Variants in ITPRID2 observed in about 807,000 individuals in gnomAD.
ITPRID2 encodes ITPR interacting domain containing 2.
In ITPRID2, 60 loss-of-function variants were observed where a neutral mutation model predicts 124.3. That is an observed-to-expected ratio of 0.48 (90% confidence interval 0.39 to 0.60). The LOEUF is 0.60. Ranked by LOEUF, ITPRID2 falls within the 20% of genes least tolerant of loss-of-function variation. The pLI is 0.00. For missense variants in ITPRID2, 1,553 were observed against 1,512.2 expected (o/e 1.03, Z -0.45); for synonymous variants, 521 against 542.9 (o/e 0.96, Z 0.56).
chr2:181,891,990 C>T lies in ITPRID2; in HGVS notation c.-77C>T. 2 of 1,442,536 alleles carry T rather than the reference C, an allele frequency of 1.4e-6. No individual in the cohort carries two copies. The highest frequency in any genetic ancestry group is 1.9e-6 in the Non-Finnish European group (2 of 1,077,428). 89.4% of individuals were successfully genotyped at this position (1,442,536 alleles called of 1,614,324 possible). The stretch of plus-strand genomic sequence containing the variant: ...GGCCCCCTGCCCGGCCGGGCGCTGA[C>T]AGCAAGGGCGGGGGTCCCTGCCGCC... On this transcript the variant is annotated 5_prime_UTR_variant, in exon 1 of 18. Coordinates refer to ENST00000431877, the MANE Select transcript of ITPRID2 (RefSeq NM_001130445.3).
chr2:181,901,723 T>G, intron 7 of ITPRID2, 43 bp from the exon 8 acceptor site: 1 of 1,324,372 alleles, frequency 7.6e-7, no homozygotes, highest in Admixed American at 2.5e-5. Context: ...TGTATGTATA[T>G]ATATAAATAT....
At chr2:181,921,322 A>G (rs1317689162) in intron 15 of ITPRID2, among the ~76,000 whole-genome samples, 1 of 152,108 alleles carries the variant, frequency 6.6e-6, no homozygotes, top group Non-Finnish European at 1.5e-5. Flanking sequence ...TACTAAAAAT[A>G]CAAAAATTAG....
rs112887126 is a variant in ITPRID2 at position 181,905,693 on chromosome 2, C to T, written c.1413+3227C>T. 5.9e-5 allele frequency among the ~76,000 whole-genome samples: 9 copies of T among 152,242 alleles called. 1 individual carries two copies. The highest frequency in any genetic ancestry group is 1.7e-4 in the African/African-American group (7 of 41,546). The stretch of plus-strand genomic sequence containing the variant: ...TATACACATAATCTTTTTTAAGCTA[C>T]TGATGTGTTAGTAACTGTTTCTAAT... On this transcript the variant is annotated intron_variant, in intron 8 of 17. Transcript: ENST00000431877. The surrounding 1 kb of genome is among the most constrained non-coding windows in gnomAD (Gnocchi z 4.1).
At chr2:181,922,537 T>C in intron 16 of ITPRID2, 125 bp downstream of exon 16, 1 of 939,776 alleles carries the variant, frequency 1.1e-6, no homozygotes, top group Non-Finnish European at 1.5e-6. Flanking sequence ...CACAGAGCTT[T>C]TAAATTAGCT....
At chr2:181,906,364 T>C (rs1172168455) in intron 8 of ITPRID2, among the ~76,000 whole-genome samples, 1 of 152,218 alleles carries the variant, frequency 6.6e-6, no homozygotes, top group Non-Finnish European at 1.5e-5. Context: ...CTTTACTGTT[T>C]GAAAGTACTT....
At position 181,903,000 on chromosome 2, in the gene ITPRID2, GC is replaced by G. The variant is rs769117688; in HGVS notation, c.1413+535del. Among the ~76,000 whole-genome samples the G allele has an allele frequency of 2.2e-4, 33 of 152,160 alleles. No individual in the cohort carries two copies. Among genetic ancestry groups the G allele is most frequent in the Non-Finnish European group, 4.1e-4 (28 of 68,024 alleles). On this transcript the variant is annotated intron_variant, in intron 8 of 17. Coordinates refer to ENST00000431877, the MANE Select transcript of ITPRID2 (RefSeq NM_001130445.3). The surrounding 1 kb of genome is among the most constrained non-coding windows in gnomAD (Gnocchi z 4.4). The stretch of plus-strand genomic sequence containing the variant: ...GGGGAGGATAGGGACCCTAGAATTA[GC>G]AGGTTTGAAAGGCCACTGAATAGGG...
intron 8 of ITPRID2, among the ~76,000 whole-genome samples, chr2:181,908,241 A>G (rs1480928612): frequency 6.6e-6 from 1 of 152,098 alleles, no homozygotes; most frequent in Non-Finnish European, 1.5e-5. Flanking sequence ...CTCATAACCC[A>G]GTCTCAAAAT....
At chr2:181,918,442 A>G (rs1467645584) in intron 11 of ITPRID2, 156 bp from the exon 12 acceptor site, 1 of 1,449,166 alleles carries the variant, frequency 6.9e-7, no homozygotes, top group African/African-American at 1.4e-5. Context: ...TTGGGAACTG[A>G]TTTCTTTTTT....
At position 181,916,335 on chromosome 2, in the gene ITPRID2, C is replaced by T. The variant is rs1694047401; in HGVS notation, c.2695C>T (p.Arg899Ter). Reference protein sequence around the residue: ...YSHRHATYPYRVCSVNPPSAI... With the variant: ...YSHRHATYPY ...ACATAGACATGCCACCTACCCTTAC[C>T]GAGTGTGCTCTGTGAATCCTCCTTC... Residue 899 changes from arginine (R) to a stop codon, truncating the protein, a stop_gained, in exon 11 of 18, where the codon CGA becomes TGA. Coordinates refer to ENST00000431877, the MANE Select transcript of ITPRID2 (RefSeq NM_001130445.3). LOFTEE classifies it high-confidence loss of function. The T allele has an allele frequency of 3.7e-6, 6 of 1,614,170 alleles. No homozygotes were observed. The highest frequency in any genetic ancestry group is 2.2e-5 in the East Asian group (1 of 44,872).
rs1350337428 is a variant in ITPRID2 at position 181,891,998 on chromosome 2, G to A, written c.-69G>A. ...GCCCGGCCGGGCGCTGACAGCAAGGGCGGGGGTCCCTGCCGCCGCCTTGTC... is the reference window on the plus strand; with the variant it reads ...GCCCGGCCGGGCGCTGACAGCAAGGACGGGGGTCCCTGCCGCCGCCTTGTC... On this transcript the variant is annotated 5_prime_UTR_variant, in exon 1 of 18. Transcript: ENST00000431877. The A allele has an allele frequency of 6.7e-6, 10 of 1,487,106 alleles. No homozygotes were observed. The highest frequency in any genetic ancestry group is 3.8e-5 in the South Asian group (3 of 78,008). 92.1% of individuals were successfully genotyped at this position (1,487,106 alleles called of 1,614,324 possible).
intron 2 of ITPRID2, among the ~76,000 whole-genome samples, chr2:181,895,400 C>T (rs1016404347): frequency 2.0e-5 from 3 of 151,996 alleles, no homozygotes; most frequent in Non-Finnish European, 4.4e-5. Context: ...CTCAAGTCAA[C>T]TTTTTAGTAA....
At position 181,892,807 on chromosome 2, in the gene ITPRID2, C is replaced by G. The variant is rs1478429375; in HGVS notation, c.257+147C>G. 1.9e-5 allele frequency: 16 copies of G among 856,488 alleles called. No homozygotes were observed. The highest frequency in any genetic ancestry group is 1.7e-5 in the Non-Finnish European group (9 of 540,726). The allele number at this position is 856,488 out of a possible 1,614,324, so 53.1% of individuals were successfully genotyped here. ...GTGAGCCGGCGGATAGCTTCCTCCT[C>G]TAAGCGATTAGAAATGGAAGTGCTG... On this transcript the variant is annotated intron_variant, in intron 2 of 17. Coordinates refer to ENST00000431877, the MANE Select transcript of ITPRID2 (RefSeq NM_001130445.3). This position sits in a 1 kb window ranked among gnomAD's most constrained non-coding sequence, Gnocchi z 5.2.
rs780435924 is a variant in ITPRID2 at position 181,892,631 on chromosome 2, G to C, written c.228G>C (p.Glu76Asp). 8.7e-6 allele frequency: 14 copies of C among 1,614,046 alleles called. No homozygotes were observed. The East Asian group carries it at 3.1e-4, about 36-fold the overall frequency. The change falls in exon 2 of 18, where the codon GAG becomes GAC. Residue 76 changes from glutamate to aspartate, a missense_variant. By Grantham distance (45) the Glu-to-Asp change is conservative. Coordinates refer to ENST00000431877, the MANE Select transcript of ITPRID2 (RefSeq NM_001130445.3). The surrounding 1 kb of genome is among the most constrained non-coding windows in gnomAD (Gnocchi z 5.2). ...TACCCCCAGGAAACGTGCCCAACGAGAAGATCGCGATATGGCTCAAGGACT... is the reference window on the plus strand; with the variant it reads ...TACCCCCAGGAAACGTGCCCAACGACAAGATCGCGATATGGCTCAAGGACT... ...AAGGRGNVPNEKIAIWLKDCR... is the reference protein window; with the variant it reads ...AAGGRGNVPNDKIAIWLKDCR...
At chr2:181,913,515 T>C (rs1179750515) in intron 9 of ITPRID2, among the ~76,000 whole-genome samples, 1 of 152,208 alleles carries the variant, frequency 6.6e-6, no homozygotes, top group African/African-American at 2.4e-5. Flanking sequence ...ATTAGAGCCA[T>C]CTTTTACTTC....
Position 181,896,909 on chromosome 2 carries a change from T to G in ITPRID2, c.309T>G (p.Gly103=). 3 of 1,612,412 alleles carry G rather than the reference T, an allele frequency of 1.9e-6. No individual in the cohort carries two copies. The highest frequency in any genetic ancestry group is 2.5e-6 in the Non-Finnish European group (3 of 1,178,670). ...LDEQSSSTLK[G]VLVRNGGSFE... ...TGAGTTTTCAAATGTGTCTTTCAGG[T>G]GTGCTTGTGAGAAATGGAGGAAGTT... Residue 103 remains glycine, a splice_region_variant and synonymous_variant, in exon 4 of 18, where the codon GGT becomes GGG. Transcript: ENST00000431877. This position sits in a 1 kb window ranked among gnomAD's most constrained non-coding sequence, Gnocchi z 4.3.
chr2:181,927,343 T>C (rs1008970887), intron 16 of ITPRID2, among the ~76,000 whole-genome samples: 4 of 152,344 alleles, frequency 2.6e-5, no homozygotes, highest in Admixed American at 1.3e-4. Flanking sequence ...CATTTATAGC[T>C]TTCACAAAGG....
intron 13 of ITPRID2, 57 bp downstream of exon 13, chr2:181,918,939 C>T (rs1694280528): frequency 6.3e-7 from 1 of 1,583,450 alleles, no homozygotes; most frequent in Non-Finnish European, 8.6e-7. Flanking sequence ...AAAGTCTTCT[C>T]AACTTATATT....
At position 181,919,150 on chromosome 2, in the gene ITPRID2, A is replaced by G; in HGVS notation, c.2994-146A>G. On this transcript the variant is annotated intron_variant, in intron 13 of 17. Transcript: ENST00000431877. The surrounding 1 kb of genome is among the most constrained non-coding windows in gnomAD (Gnocchi z 4.2). ...AAGAAAGACTAATGTCCTTGTGGAT[A>G]CACCTATTGTAGTTGATATTGTACT... is the stretch of plus-strand genomic sequence containing the variant. 3.2e-6 allele frequency: 3 copies of G among 933,446 alleles called. No individual in the cohort carries two copies. The South Asian group carries it at 5.0e-5, about 16-fold the overall frequency. The allele number at this position is 933,446 out of a possible 1,614,324, so 57.8% of individuals were successfully genotyped here. A position where few individuals can be genotyped will look rare whatever the true frequency, so the allele number is the denominator to read the frequency against.
rs747032409 is a variant in ITPRID2 at position 181,918,747 on chromosome 2, C to A, written c.2866-8C>A. 1.2e-6 allele frequency: 2 copies of A among 1,613,742 alleles called. No individual in the cohort carries two copies. The highest frequency in any genetic ancestry group is 2.2e-5 in the South Asian group (2 of 90,944). Reference sequence around the variant, plus strand: ...TTAGAAGTGTAATTTTGTTATATTGCATTCTAGAATACTTTTCAGGAGCTC... The same window carrying A: ...TTAGAAGTGTAATTTTGTTATATTGAATTCTAGAATACTTTTCAGGAGCTC... On this transcript the variant is annotated splice_polypyrimidine_tract_variant and splice_region_variant and intron_variant, in intron 12 of 17. Transcript: ENST00000431877.
Sources: allele counts gnomAD v4.1 joint callset (sites outside exome capture counted in the v4.1 genomes callset), GRCh38; gene constraint gnomAD v4.1.1; non-coding constraint Gnocchi (gnomAD v3.1); transcripts MANE v1.5; gene names NCBI Gene and HGNC (gene_info 2026-07-23, HGNC 2026-07-21).